The following PCDH15 variants were observed in gnomAD, a reference collection of about 807,000 sequenced individuals.
The protein encoded by PCDH15 is protocadherin related 15.
Under a neutral mutation model 178.5 loss-of-function variants are expected in PCDH15, and 129 were observed. The observed-to-expected ratio is 0.72, with a 90% CI of 0.63 to 0.84. PCDH15 has a LOEUF of 0.84. Among genes scored for constraint, PCDH15 ranks in the 40% least tolerant of loss-of-function variants. The pLI, the probability that PCDH15 is intolerant of heterozygous loss-of-function variation, is 0.00. For synonymous variants in PCDH15, 800 were observed against 732.0 expected (o/e 1.09, Z -1.50); for missense variants, 2,230 against 2,099.9 (o/e 1.06, Z -1.21).
At chr10:53,841,131 C>A (rs1048656842) in intron 28 of PCDH15, among the ~76,000 whole-genome samples, 1 of 152,112 alleles carries the variant, frequency 6.6e-6, no homozygotes, top group Non-Finnish European at 1.5e-5. Flanking sequence ...AAAGCAGAGA[C>A]AATATTAATC....
chr10:54,159,750 C>A (rs2045525114), intron 13 of PCDH15, among the ~76,000 whole-genome samples: 1 of 151,916 alleles, frequency 6.6e-6, no homozygotes, highest in Non-Finnish European at 1.5e-5. Context: ...GTAGAATTGT[C>A]CCTGTATAGA....
intron 13 of PCDH15, among the ~76,000 whole-genome samples, chr10:54,170,899 C>G (rs938436132): frequency 2.6e-5 from 4 of 152,076 alleles, no homozygotes; most frequent in African/African-American, 9.7e-5. Context: ...TGCTATTCTA[C>G]TACTCCTCAG....
chr10:54,481,367 G>A (rs1032470603), intron 3 of PCDH15, among the ~76,000 whole-genome samples: 7 of 151,442 alleles, frequency 4.6e-5, no homozygotes, highest in Non-Finnish European at 8.9e-5. Flanking sequence ...TATTTGGCTG[G>A]GTTAACCATA....
intron 3 of PCDH15, among the ~76,000 whole-genome samples, chr10:54,439,595 GAA>G (rs200637484): frequency 2.6e-5 from 4 of 151,836 alleles, no homozygotes; most frequent in African/African-American, 9.7e-5. Context: ...AAGCAGTGGG[GAA>G]AAAAATGGTA....
intron 2 of PCDH15, among the ~76,000 whole-genome samples, chr10:54,975,716 T>A (rs150262366): frequency 3.3e-5 from 5 of 152,182 alleles, no homozygotes; most frequent in African/African-American, 1.2e-4. Context: ...AAGTGAGATA[T>A]ATCATATGAT....
At chr10:54,587,938 G>A (rs928939202) in intron 2 of PCDH15, among the ~76,000 whole-genome samples, 26 of 152,098 alleles carry the variant, frequency 1.7e-4, no homozygotes, top group African/African-American at 6.0e-4. Flanking sequence ...AAATGAATAT[G>A]TTTTATAATT....
At chr10:53,811,931 G>A (rs2075878701) in intron 35 of PCDH15, among the ~76,000 whole-genome samples, 1 of 152,036 alleles carries the variant, frequency 6.6e-6, no homozygotes, top group African/African-American at 2.4e-5. Flanking sequence ...CTTGTTTTTG[G>A]ATGTCTTTTA....
intron 7 of PCDH15, among the ~76,000 whole-genome samples, chr10:54,319,856 G>A (rs2061488927): frequency 6.6e-6 from 1 of 151,826 alleles, no homozygotes; most frequent in Admixed American, 6.6e-5. Flanking sequence ...CAGTCTGGTT[G>A]CTCATAAAAA....
Position 55,325,374 on chromosome 10 carries a change from T to C in PCDH15, c.-155-158723A>G, listed in dbSNP as rs776009554. The stretch of plus-strand genomic sequence containing the variant: ...ATGGTATGGTACAGAAACAGACACA[T>C]AGACCAGTGGAACAGAATAAAGATC... On this transcript the variant is annotated intron_variant, in intron 2 of 5. Coordinates refer to the PCDH15 transcript ENST00000613346. Among the ~76,000 whole-genome samples, 10 of 152,100 alleles carry C rather than the reference T, an allele frequency of 6.6e-5. No homozygotes were observed. The East Asian group carries it at 1.9e-3, about 29-fold the overall frequency.
intron 3 of PCDH15, among the ~76,000 whole-genome samples, chr10:54,472,115 A>G (rs1373508418): frequency 6.6e-6 from 1 of 152,138 alleles, no homozygotes; most frequent in Admixed American, 6.5e-5. Context: ...TCTTATATTT[A>G]TGTTACAAAA....
At chr10:55,162,228 A>G (rs1228306560) in intron 2 of PCDH15, among the ~76,000 whole-genome samples, 18 of 152,186 alleles carry the variant, frequency 1.2e-4, no homozygotes, top group Admixed American at 1.2e-3. Flanking sequence ...GTATTTGCTT[A>G]TAGTTCTTAA....
chr10:54,885,514 T>C (rs958478233), intron 3 of PCDH15, among the ~76,000 whole-genome samples: 4 of 151,116 alleles, frequency 2.6e-5, no homozygotes, highest in Non-Finnish European at 4.4e-5. Context: ...AAAAAGCAAA[T>C]AAAAAAAGAA....
intron 17 of PCDH15, among the ~76,000 whole-genome samples, chr10:54,067,745 A>G (rs2094164991): frequency 1.1e-5 from 1 of 95,088 alleles, no homozygotes; most frequent in Non-Finnish European, 2.6e-5. Context: ...ATGCTATGGT[A>G]TTAAATATTT....
intron 9 of PCDH15, among the ~76,000 whole-genome samples, chr10:54,220,710 AG>A (rs2052686255): frequency 6.6e-6 from 1 of 152,024 alleles, no homozygotes; most frequent in Non-Finnish European, 1.5e-5. Flanking sequence ...CTGTAGTCCT[AG>A]CTACTCCGGA....
At chr10:54,659,402 T>G (rs892317857) in intron 2 of PCDH15, among the ~76,000 whole-genome samples, 2 of 152,066 alleles carry the variant, frequency 1.3e-5, no homozygotes, top group East Asian at 3.9e-4. Flanking sequence ...CTCAATAATT[T>G]CAAAAAAATC....
At chr10:54,829,917 T>C (rs1046357534) in intron 3 of PCDH15, among the ~76,000 whole-genome samples, 1 of 152,112 alleles carries the variant, frequency 6.6e-6, no homozygotes, top group East Asian at 1.9e-4. Context: ...ATAAATATTA[T>C]TCCGAATGTG....
chr10:55,510,144 A>C (rs1463105331), intron 2 of PCDH15, among the ~76,000 whole-genome samples: 2 of 151,996 alleles, frequency 1.3e-5, no homozygotes, highest in African/African-American at 2.4e-5. Context: ...TGAATATATT[A>C]ACTCTAAAAA....
chr10:53,953,175 C>T (rs1363873312), intron 23 of PCDH15, among the ~76,000 whole-genome samples: 6 of 152,192 alleles, frequency 3.9e-5, no homozygotes, highest in Non-Finnish European at 7.3e-5. Flanking sequence ...CCAGACAGGT[C>T]GCTGTTGTCA....
At chr10:55,177,065 A>T (rs1410097032) in intron 1 of PCDH15, among the ~76,000 whole-genome samples, 1 of 152,194 alleles carries the variant, frequency 6.6e-6, no homozygotes. Context: ...AGATCTCAAA[A>T]TTTAAGGCTC....
Sources: allele counts gnomAD v4.1 joint callset (sites outside exome capture counted in the v4.1 genomes callset), GRCh38; gene constraint gnomAD v4.1.1; transcripts MANE v1.5; gene names NCBI Gene and HGNC (gene_info 2026-07-23, HGNC 2026-07-21).